Variants in SDF2L1 observed in about 807,000 individuals in gnomAD.
SDF2L1 encodes the protein stromal cell-derived factor 2-like protein 1.
SDF2L1 carries 18 observed loss-of-function variants against 19.4 expected under a neutral mutation model. The observed-to-expected ratio is 0.93, with a 90% CI of 0.64 to 1.38. The LOEUF is 1.38. Ranked by LOEUF, SDF2L1 falls within the 40% of genes most tolerant of loss-of-function variation. The pLI is 0.00. For synonymous variants in SDF2L1, 161 were observed against 148.9 expected (o/e 1.08, Z -0.59); for missense variants, 263 against 319.4 (o/e 0.82, Z 1.35).
In SDF2L1 at chr22:21,643,037, G is replaced by A. The variant is rs142846840; in HGVS notation, c.363G>A (p.Pro121=). The A allele has an allele frequency of 9.8e-5, 152 of 1,556,118 alleles. No homozygotes were observed. In the African/African-American group the frequency reaches 1.8e-3, roughly 19 times the overall value. ...TGKNLHTHHF[P]SPLSNNQEVS... ...AGAACCTGCACACGCACCACTTCCCGTCGCCGCTGTCCAACAACCAGGTGA... is the reference window on the plus strand; with the variant it reads ...AGAACCTGCACACGCACCACTTCCCATCGCCGCTGTCCAACAACCAGGTGA... The change falls in exon 2 of 3, where the codon CCG becomes CCA. Residue 121 remains proline, a synonymous_variant. Coordinates refer to ENST00000248958, the MANE Select transcript of SDF2L1 (RefSeq NM_022044.3).
At chr22:21,643,787 G>A in intron 2 of SDF2L1, 107 bp from the exon 3 acceptor site, 1 of 1,179,208 alleles carries the variant, frequency 8.5e-7, no homozygotes, top group Non-Finnish European at 1.2e-6. Context: ...TGCAGCTGTG[G>A]GAGCTGAGGC....
rs141876771 is a variant in SDF2L1 at position 21,643,951 on chromosome 22, C to T, written c.442C>T (p.Arg148Cys). 25 of 1,613,924 alleles carry T rather than the reference C, an allele frequency of 1.5e-5. No individual in the cohort carries two copies. In the East Asian group the frequency reaches 3.3e-4, roughly 22 times the overall value. ...CGACGACCTGGACCTATGGACAGTG[C>T]GCTGCTCTGGACAGCACTGGGAGCG... ...EGDDLDLWTV[R>C]CSGQHWEREA... The change falls in exon 3 of 3, where the codon CGC (arginine) becomes TGC (cysteine). Residue 148 changes from arginine (R) to cysteine (C), a missense_variant. Physicochemically the swap from Arg to Cys is radical, Grantham distance 180. This residue lies in a region of SDF2L1 where 203 missense variants were observed against 256.9 expected (regional missense o/e 0.79). Coordinates refer to ENST00000248958, the MANE Select transcript of SDF2L1 (RefSeq NM_022044.3).
chr22:21,642,324 C>CCGGGCCGGGGCGATGTGGAGCG lies in SDF2L1; in HGVS notation c.-5_17dup. The CCGGGCCGGGGCGATGTGGAGCG allele has an allele frequency of 1.4e-5, 19 of 1,342,116 alleles. No homozygotes were observed. Among genetic ancestry groups the CCGGGCCGGGGCGATGTGGAGCG allele is most frequent in the Non-Finnish European group, 1.7e-5 (18 of 1,054,288 alleles). 83.1% of individuals were successfully genotyped at this position (1,342,116 alleles called of 1,614,324 possible). A position where few individuals can be genotyped will look rare whatever the true frequency, so the allele number is the denominator to read the frequency against. On this transcript the variant is annotated 5_prime_UTR_variant, in exon 1 of 3. The change creates a new upstream start codon in the 5' untranslated region. Coordinates refer to ENST00000248958, the MANE Select transcript of SDF2L1 (RefSeq NM_022044.3). ...GGCCCCTGGGCCCGAGGGGCTGGAG[C>CCGGGCCGGGGCGATGTGGAGCG]CGGGCCGGGGCGATGTGGAGCGCGG...
chr22:21,644,017 T>C lies in SDF2L1; in HGVS notation c.508T>C (p.Phe170Leu). 6.2e-7 allele frequency: 1 copy of C among 1,614,180 alleles called. No individual in the cohort carries two copies. The highest frequency in any genetic ancestry group is 8.5e-7 in the Non-Finnish European group (1 of 1,180,026). ...VRFQHVGTSV[F>L]LSVTGEQYGS... ...CTTCCAGCATGTGGGCACCTCTGTG[T>C]TCCTGTCAGTCACGGGTGAGCAGTA... is the stretch of plus-strand genomic sequence containing the variant. Residue 170 changes from phenylalanine (F) to leucine (L), a missense_variant, in exon 3 of 3, where the codon TTC becomes CTC. This residue lies in a region of SDF2L1 where 203 missense variants were observed against 256.9 expected (regional missense o/e 0.79). Transcript: ENST00000248958.
rs1183772815 is a variant in SDF2L1, at chr22:21,642,947, G to A, written c.273G>A (p.Gly91=). The change falls in exon 2 of 3, where the codon GGG becomes GGA. Residue 91 remains glycine (G), a synonymous_variant. Transcript: ENST00000248958. The part of the protein sequence containing the change: ...YWRIRGGSEG[G]CPRGSPVRCG... ...GGATCCGCGGCGGCTCGGAGGGCGG[G>A]TGCCCGCGCGGGTCCCCGGTGCGCT... The A allele has an allele frequency of 6.4e-7, 1 of 1,574,246 alleles. No homozygotes were observed. Among genetic ancestry groups the A allele is most frequent in the African/African-American group, 1.4e-5 (1 of 73,832 alleles).
Position 21,642,406 on chromosome 22 carries a change from C to G in SDF2L1, c.70C>G (p.Pro24Ala). Residue 24 changes from proline (P) to alanine (A), a missense_variant, in exon 1 of 3, where the codon CCG (proline) becomes GCG (alanine). By Grantham distance (27) the Pro-to-Ala change is conservative. Around this residue, in one of 3 missense-constraint regions of SDF2L1, gnomAD observed 56 missense variants for 45.3 expected, o/e 1.24. Transcript: ENST00000248958. ...GGGGCTGCTGCTGGCGCTGTTAGTGCCGGGCGGTGGTGCCGCCAAGACCGG... is the reference window on the plus strand; with the variant it reads ...GGGGCTGCTGCTGGCGCTGTTAGTGGCGGGCGGTGGTGCCGCCAAGACCGG... ...LLGLLLALLV[P>A]GGGAAKTGAE... 1.4e-6 allele frequency: 2 copies of G among 1,453,768 alleles called. No individual in the cohort carries two copies. The highest frequency in any genetic ancestry group is 9.0e-7 in the Non-Finnish European group (1 of 1,113,204). The allele number at this position is 1,453,768 out of a possible 1,614,324, so 90.1% of individuals were successfully genotyped here.
At chr22:21,643,125 G>C (rs1001831822) in intron 2 of SDF2L1, 67 bp downstream of exon 2, 36 of 1,503,422 alleles carry the variant, frequency 2.4e-5, no homozygotes, top group Non-Finnish European at 3.1e-5. Flanking sequence ...CAGAGCCCTG[G>C]GTTCCAATCC....
rs754585173 is a variant in SDF2L1 at position 21,644,096 on chromosome 22, C to G, written c.587C>G (p.Thr196Arg). Residue 196 changes from threonine (T) to arginine (R), a missense_variant, in exon 3 of 3, where the codon ACG (threonine) becomes AGG (arginine). By Grantham distance (71) the Thr-to-Arg change is moderately conservative. Coordinates refer to ENST00000248958, the MANE Select transcript of SDF2L1 (RefSeq NM_022044.3). The part of the protein sequence containing the change: ...HEVHGMPSAN[T>R]HNTWKAMEGI... ...GTCCACGGCATGCCCAGTGCCAACA[C>G]GCACAATACGTGGAAGGCCATGGAA... The G allele has an allele frequency of 1.2e-5, 20 of 1,614,026 alleles. No individual in the cohort carries two copies. The Admixed American group carries it at 2.8e-4, about 23-fold the overall frequency.
chr22:21,643,136 G>T (rs1469936205), intron 2 of SDF2L1, 78 bp downstream of exon 2: 2 of 1,469,336 alleles, frequency 1.4e-6, no homozygotes, highest in African/African-American at 1.4e-5. Context: ...GTTCCAATCC[G>T]AGCCTCAGCT....
chr22:21,643,880 C>T lies in SDF2L1; in HGVS notation c.385-14C>T, dbSNP rs202052752. On this transcript the variant is annotated splice_polypyrimidine_tract_variant and intron_variant, in intron 2 of 2. Transcript: ENST00000248958. ...CTGTGGTGACCACTGTCTTCTCATC[C>T]TTTGCACCTATAGGAGGTGAGTGCC... 5.6e-6 allele frequency: 9 copies of T among 1,607,012 alleles called. No homozygotes were observed. The highest frequency in any genetic ancestry group is 7.7e-6 in the Non-Finnish European group (9 of 1,175,538).
At position 21,644,199 on chromosome 22, in the gene SDF2L1, G is replaced by C; in HGVS notation, c.*24G>C. On this transcript the variant is annotated 3_prime_UTR_variant, in exon 3 of 3. Transcript: ENST00000248958. ...GAGTGTGTGGATGGATGGGTGGATG[G>C]AGGGTGGCAGGTGGGGCGTCTGCAG... 1.9e-6 allele frequency: 3 copies of C among 1,607,240 alleles called. No individual in the cohort carries two copies.
Position 21,642,345 on chromosome 22 carries a change from C to T in SDF2L1, c.9C>T (p.Ser3=), listed in dbSNP as rs769300956. 3 of 1,378,188 alleles carry T rather than the reference C, an allele frequency of 2.2e-6. No homozygotes were observed. The highest frequency in any genetic ancestry group is 3.1e-5 in the African/African-American group (2 of 65,128). The allele number at this position is 1,378,188 out of a possible 1,614,324, so 85.4% of individuals were successfully genotyped here. A position where few individuals can be genotyped will look rare whatever the true frequency, so the allele number is the denominator to read the frequency against. Reference sequence around the variant, plus strand: ...GGAGCCGGGCCGGGGCGATGTGGAGCGCGGGCCGCGGCGGGGCTGCCTGGC... The same window carrying T: ...GGAGCCGGGCCGGGGCGATGTGGAGTGCGGGCCGCGGCGGGGCTGCCTGGC... MW[S]AGRGGAAWPV... is the part of the protein sequence containing the mutation. The change falls in exon 1 of 3, where the codon AGC becomes AGT. Residue 3 remains serine, a synonymous_variant. Transcript: ENST00000248958.
rs763930473 is a variant in SDF2L1, at chr22:21,642,463, A to C, written c.127A>C (p.Lys43Gln). The C allele has an allele frequency of 3.2e-5, 48 of 1,507,740 alleles. No homozygotes were observed. The South Asian group carries it at 5.7e-4, about 18-fold the overall frequency. 93.4% of individuals were successfully genotyped at this position (1,507,740 alleles called of 1,614,324 possible). ...GCTCGTGACCTGCGGGTCGGTGCTG[A>C]AGCTGCTCAATACGCACCACCGCGT... ...AELVTCGSVL[K>Q]LLNTHHRVRL... Residue 43 changes from lysine (K) to glutamine (Q), a missense_variant, in exon 1 of 3, where the codon AAG becomes CAG. Lys to Gln is a moderately conservative substitution (Grantham distance 53, BLOSUM62 1). Transcript: ENST00000248958.
At chr22:21,642,665 C>A in intron 1 of SDF2L1, 142 bp downstream of exon 1, 2 of 1,193,020 alleles carry the variant, frequency 1.7e-6, no homozygotes, top group Non-Finnish European at 2.3e-6. Flanking sequence ...GTCGAGGGGC[C>A]AAAGCTTTGA....
In SDF2L1 at chr22:21,643,114, A is replaced by G. The variant is rs2066094217; in HGVS notation, c.384+56A>G. 2.6e-6 allele frequency: 4 copies of G among 1,529,966 alleles called. No individual in the cohort carries two copies. The South Asian group carries it at 4.8e-5, about 18-fold the overall frequency. The allele number at this position is 1,529,966 out of a possible 1,614,324, so 94.8% of individuals were successfully genotyped here. A position where few individuals can be genotyped will look rare whatever the true frequency, so the allele number is the denominator to read the frequency against. Reference sequence around the variant, plus strand: ...TCCTGGCCTGTGTGAGGGGCCAGAGACAGAGCCCTGGGTTCCAATCCGAGC... The same window carrying G: ...TCCTGGCCTGTGTGAGGGGCCAGAGGCAGAGCCCTGGGTTCCAATCCGAGC... On this transcript the variant is annotated intron_variant, in intron 2 of 2. Transcript: ENST00000248958.
In SDF2L1 at chr22:21,642,356, G is replaced by T. The variant is rs1407094136; in HGVS notation, c.20G>T (p.Gly7Val). The T allele has an allele frequency of 3.6e-6, 5 of 1,394,968 alleles. No individual in the cohort carries two copies. The highest frequency in any genetic ancestry group is 4.6e-6 in the Non-Finnish European group (5 of 1,082,440). 86.4% of individuals were successfully genotyped at this position (1,394,968 alleles called of 1,614,324 possible). The part of the protein sequence containing the change: MWSAGR[G>V]GAAWPVLLGL... Reference sequence around the variant, plus strand: ...GGGGCGATGTGGAGCGCGGGCCGCGGCGGGGCTGCCTGGCCGGTGCTGTTG... The same window carrying T: ...GGGGCGATGTGGAGCGCGGGCCGCGTCGGGGCTGCCTGGCCGGTGCTGTTG... The change falls in exon 1 of 3, where the codon GGC becomes GTC. Residue 7 changes from glycine to valine, a missense_variant. Physicochemically the swap from Gly to Val is moderately radical, Grantham distance 109. Coordinates refer to ENST00000248958, the MANE Select transcript of SDF2L1 (RefSeq NM_022044.3).
Position 21,642,928 on chromosome 22 carries a change from G to A in SDF2L1, c.254G>A (p.Arg85His). 6.3e-7 allele frequency: 1 copy of A among 1,583,280 alleles called. No homozygotes were observed. The highest frequency in any genetic ancestry group is 8.6e-7 in the Non-Finnish European group (1 of 1,166,764). The change falls in exon 2 of 3, where the codon CGC becomes CAC. Residue 85 changes from arginine (R) to histidine (H), a missense_variant. Coordinates refer to ENST00000248958, the MANE Select transcript of SDF2L1 (RefSeq NM_022044.3). ...SDDANSYWRI[R>H]GGSEGGCPRG... The stretch of plus-strand genomic sequence containing the variant: ...GACGCCAATAGCTACTGGCGGATCC[G>A]CGGCGGCTCGGAGGGCGGGTGCCCG...
chr22:21,642,806 G>A (rs2066089911), intron 1 of SDF2L1, 56 bp from the exon 2 acceptor site: 2 of 1,540,492 alleles, frequency 1.3e-6, no homozygotes, highest in Non-Finnish European at 1.8e-6. Context: ...CCAGGGCGAG[G>A]GTCCGGGGTT....
At chr22:21,643,190 G>GC (rs36106302) in intron 2 of SDF2L1, 132 bp downstream of exon 2, 4 of 1,146,530 alleles carry the variant, frequency 3.5e-6, no homozygotes, top group Middle Eastern at 3.0e-4. Flanking sequence ...GTTACTGAGC[G>GC]CCCCCTCGGG....
Sources: allele counts gnomAD v4.1 joint callset, GRCh38; gene constraint gnomAD v4.1.1; regional missense constraint gnomAD v4.1.1; transcripts MANE v1.5; gene names NCBI Gene and HGNC (gene_info 2026-07-23, HGNC 2026-07-21).